The following TSPAN4 variants were observed in gnomAD, a reference collection of about 807,000 sequenced individuals.
The protein encoded by TSPAN4 is tetraspanin-4.
In TSPAN4, 38 loss-of-function variants were observed where a neutral mutation model predicts 31.5. The ratio of observed to expected loss-of-function variants is 1.21; its 90% CI spans 0.93 to 1.58. TSPAN4 has a LOEUF of 1.58. TSPAN4 is among the 40% of genes most tolerant of loss of function. The pLI is 0.00. For synonymous variants in TSPAN4, 186 were observed against 144.6 expected (o/e 1.29, Z -2.06); for missense variants, 330 against 317.3 (o/e 1.04, Z -0.30).
rs554544939 is a variant in TSPAN4 at position 848,414 on chromosome 11, C to T, written c.-18+1114C>T. Reference sequence around the variant, plus strand: ...GGGGCCCCCTGTCCCCTTCCCCCAGCGAGGACCTGGGCATGGGGTGCTGCC... The same window carrying T: ...GGGGCCCCCTGTCCCCTTCCCCCAGTGAGGACCTGGGCATGGGGTGCTGCC... On this transcript the variant is annotated intron_variant, in intron 2 of 8. Transcript: ENST00000397397. This position sits in a 1 kb window ranked among gnomAD's most constrained non-coding sequence, Gnocchi z 5.7. Among the ~76,000 whole-genome samples the T allele has an allele frequency of 3.3e-5, 5 of 152,168 alleles. No homozygotes were observed. The East Asian group carries it at 5.8e-4, about 18-fold the overall frequency.
At chr11:847,774 C>T (rs946282416) in intron 2 of TSPAN4, among the ~76,000 whole-genome samples, 6 of 152,114 alleles carry the variant, frequency 3.9e-5, no homozygotes, top group Non-Finnish European at 8.8e-5. Flanking sequence ...GCATCCTGGG[C>T]GCTGGGCTCA....
rs1455933239 is a variant in TSPAN4, at chr11:848,162, A to T, written c.-18+862A>T. Among the ~76,000 whole-genome samples the T allele has an allele frequency of 6.6e-6, 1 of 152,194 alleles. No homozygotes were observed. The highest frequency in any genetic ancestry group is 1.5e-5 in the Non-Finnish European group (1 of 68,030). Reference sequence around the variant, plus strand: ...GGCCAGGGGAAGGGGGCCGGGCGCCATCTGCTCTCTGGGCAGAGCTGCGGG... The same window carrying T: ...GGCCAGGGGAAGGGGGCCGGGCGCCTTCTGCTCTCTGGGCAGAGCTGCGGG... On this transcript the variant is annotated intron_variant, in intron 2 of 8. Transcript: ENST00000397397. The surrounding 1 kb of genome is among the most constrained non-coding windows in gnomAD (Gnocchi z 5.7).
intron 1 of TSPAN4, among the ~76,000 whole-genome samples, chr11:845,606 A>G (rs2133981586): frequency 6.6e-6 from 1 of 152,056 alleles, no homozygotes; most frequent in African/African-American, 2.4e-5. Context: ...CTGTGGTGGG[A>G]TGGCACCTGA....
chr11:865,336 C>T, intron 5 of TSPAN4, 177 bp from the exon 6 acceptor site: 1 of 605,008 alleles, frequency 1.7e-6, no homozygotes, highest in East Asian at 2.8e-5. Context: ...GGGCCCTGGG[C>T]CTCAGGGCTG....
At chr11:866,519 G>A in intron 8 of TSPAN4, 43 bp from the exon 9 acceptor site, 3 of 1,594,326 alleles carry the variant, frequency 1.9e-6, no homozygotes. Context: ...TGAGGCCTGA[G>A]CCTGTGGAGC....
intron 3 of TSPAN4, chr11:858,422 C>T (rs1848183141): frequency 1.3e-5 from 2 of 153,796 alleles, no homozygotes; most frequent in South Asian, 1.9e-4. Context: ...TAGGGATGTC[C>T]CCTGGCACTT....
chr11:852,021 C>T (rs1041403637), intron 3 of TSPAN4, among the ~76,000 whole-genome samples: 1 of 152,168 alleles, frequency 6.6e-6, no homozygotes. Context: ...AGAGAAGCCT[C>T]CATTCCTACC....
At chr11:850,849 C>G (rs1847647230) in intron 3 of TSPAN4, among the ~76,000 whole-genome samples, 2 of 152,404 alleles carry the variant, frequency 1.3e-5, no homozygotes, top group South Asian at 2.1e-4. Context: ...CAGGGACTCA[C>G]TTCCGAGGGT....
rs1007691840 is a variant in TSPAN4 at position 848,771 on chromosome 11, C to T, written c.-18+1471C>T. The T allele has an allele frequency of 9.1e-6, 5 of 548,186 alleles. No homozygotes were observed. The highest frequency in any genetic ancestry group is 3.5e-5 in the Admixed American group (1 of 28,576). 34.0% of individuals were successfully genotyped at this position (548,186 alleles called of 1,614,324 possible). On this transcript the variant is annotated intron_variant, in intron 2 of 8. Coordinates refer to ENST00000397397, the MANE Select transcript of TSPAN4 (RefSeq NM_003271.5). The surrounding 1 kb of genome is among the most constrained non-coding windows in gnomAD (Gnocchi z 5.7). ...GCCACGTGCTGATATCTTCCCAACACCGCAGGGCCCTTGTGCCCTGTGGTG... is the reference window on the plus strand; with the variant it reads ...GCCACGTGCTGATATCTTCCCAACATCGCAGGGCCCTTGTGCCCTGTGGTG...
chr11:850,426 G>C, intron 3 of TSPAN4, 59 bp downstream of exon 3: 1 of 1,488,038 alleles, frequency 6.7e-7, no homozygotes, highest in Non-Finnish European at 9.2e-7. Flanking sequence ...CCCGCGGCGG[G>C]TCGCGGGGTC....
intron 2 of TSPAN4, among the ~76,000 whole-genome samples, chr11:849,115 G>A (rs991007862): frequency 3.9e-5 from 6 of 152,176 alleles, no homozygotes; most frequent in Non-Finnish European, 8.8e-5. Context: ...AGCCGGCCCC[G>A]CTCCCGCATT....
At chr11:862,142 C>T (rs1298541863) in intron 3 of TSPAN4, among the ~76,000 whole-genome samples, 1 of 152,202 alleles carries the variant, frequency 6.6e-6, no homozygotes, top group Non-Finnish European at 1.5e-5. Flanking sequence ...CTGGAGTGGC[C>T]TGTCAGGTGG....
At chr11:849,104 A>C (rs1565129962) in intron 2 of TSPAN4, among the ~76,000 whole-genome samples, 1 of 152,180 alleles carries the variant, frequency 6.6e-6, no homozygotes, top group East Asian at 1.9e-4. Context: ...ACTGCCCTTG[A>C]AGCCGGCCCC....
rs746186628 is a variant in TSPAN4 at position 850,270 on chromosome 11, CCTT to C, written c.-17-16_-17-14del. On this transcript the variant is annotated splice_polypyrimidine_tract_variant and intron_variant, in intron 2 of 8. Coordinates refer to ENST00000397397, the MANE Select transcript of TSPAN4 (RefSeq NM_003271.5). Reference sequence around the variant, plus strand: ...TACGTGGTTTTCTACCTGGACCTCTCCTTCATCTTCCTCCTAGAACTGAAGCGC... The same window carrying C: ...TACGTGGTTTTCTACCTGGACCTCTCCATCTTCCTCCTAGAACTGAAGCGC... 1.9e-5 allele frequency: 31 copies of C among 1,594,602 alleles called. No homozygotes were observed. Among genetic ancestry groups the C allele is most frequent in the Non-Finnish European group, 2.5e-5 (29 of 1,170,030 alleles).
chr11:847,703 T>C (rs958822498), intron 2 of TSPAN4, among the ~76,000 whole-genome samples: 1 of 149,072 alleles, frequency 6.7e-6, no homozygotes, highest in African/African-American at 2.5e-5. Context: ...ACCTGGGCGA[T>C]GTGTGCAGAG....
At chr11:849,802 C>T (rs1590226720) in intron 2 of TSPAN4, 1 of 85,570 alleles carries the variant, frequency 1.2e-5, no homozygotes, top group Non-Finnish European at 2.4e-5. Flanking sequence ...CGGGAGGGCG[C>T]GGGGCGGGGC....
chr11:862,836 A>G, intron 4 of TSPAN4, 95 bp downstream of exon 4: 4 of 1,316,980 alleles, frequency 3.0e-6, no homozygotes, highest in Non-Finnish European at 4.1e-6. Flanking sequence ...GACCCCCCAG[A>G]CGTGGGCACC....
rs369329370 is a variant in TSPAN4, at chr11:857,526, CT to C, written c.64-5023del. 1,484 of 152,166 alleles carry C rather than the reference CT, an allele frequency of 9.8e-3. 16 individuals carry two copies. Among genetic ancestry groups the C allele is most frequent in the Middle Eastern group, 0.057 (17 of 298 alleles). The allele number at this position is 152,166 out of a possible 1,614,324, so 9.4% of individuals were successfully genotyped here. A position where few individuals can be genotyped will look rare whatever the true frequency, so the allele number is the denominator to read the frequency against. The stretch of plus-strand genomic sequence containing the variant: ...CACGCCATTCTCCTGCCTCAGCCTC[CT>C]GAGTAGCTGCGACTACAGGTGCCTG... On this transcript the variant is annotated intron_variant, in intron 3 of 8. Coordinates refer to ENST00000397397, the MANE Select transcript of TSPAN4 (RefSeq NM_003271.5).
rs993879987 is a variant in TSPAN4 at position 848,869 on chromosome 11, G to T, written c.-17-1419G>T. On this transcript the variant is annotated intron_variant, in intron 2 of 8. Coordinates refer to ENST00000397397, the MANE Select transcript of TSPAN4 (RefSeq NM_003271.5). This position sits in a 1 kb window ranked among gnomAD's most constrained non-coding sequence, Gnocchi z 5.7. ...GGCCTCTGTCCCCATCTCCGGCTGT[G>T]GGAGGTGTGTGCGCATCCGGCGTGA... 1.4e-6 allele frequency: 1 copy of T among 702,480 alleles called. No homozygotes were observed. The highest frequency in any genetic ancestry group is 2.1e-5 in the Admixed American group (1 of 47,504). The allele number at this position is 702,480 out of a possible 1,614,324, so 43.5% of individuals were successfully genotyped here.
Sources: gnomAD v4.1 joint callset for allele counts (sites outside exome capture counted in the v4.1 genomes callset) on GRCh38, gnomAD v4.1.1 for gene constraint, Gnocchi (gnomAD v3.1) non-coding constraint, MANE v1.5 for transcripts, NCBI Gene and HGNC (gene_info 2026-07-23, HGNC 2026-07-21) for gene names.